GPER1: variants seen among roughly 807,000 people sequenced by gnomAD.
GPER1 encodes G protein-coupled estrogen receptor 1, also known as G protein-coupled receptor 30.
Under a neutral mutation model 0.6 loss-of-function variants are expected in GPER1, and 2 were observed. The observed-to-expected ratio is 3.41, with a 90% CI of 1.39 to 10.72. The LOEUF (loss-of-function observed/expected upper bound fraction) is 10.72. Ranked by LOEUF, GPER1 falls within the 30% of genes most tolerant of loss-of-function variation. GPER1 has a pLI of 0.04. For missense variants in GPER1, 441 were observed against 535.2 expected, an observed-to-expected ratio of 0.82 and a Z score of 1.74; for synonymous variants, 263 against 247.6, an observed-to-expected ratio of 1.06 and a Z score of -0.58.
Position 1,091,965 on chromosome 7 carries a change from G to C in GPER1, c.237G>C (p.Leu79=), listed in dbSNP as rs778623409. The change falls in exon 2 of 2, where the codon CTG becomes CTC. Residue 79 remains leucine, a synonymous_variant. Coordinates refer to ENST00000397088, the MANE Select transcript of GPER1 (RefSeq NM_001098201.3). ...CCATCGGCTTTGTGGGCAACATCCT[G>C]ATCCTGGTGGTGAACATCAGCTTCC... ...LFPIGFVGNI[L]ILVVNISFRE... 193 of 1,613,958 alleles carry C rather than the reference G, an allele frequency of 1.2e-4. 2 individuals are homozygous for C. The South Asian group carries it at 2.0e-3, about 17-fold the overall frequency.
At position 1,091,537 on chromosome 7, in the gene GPER1, T is replaced by C; in HGVS notation, c.-192T>C. Reference sequence around the variant, plus strand: ...ACCATGCCGGTGTGAGGAGCATCTGTTCTTCCCACTCTCTGCAGTTAACAA... The same window carrying C: ...ACCATGCCGGTGTGAGGAGCATCTGCTCTTCCCACTCTCTGCAGTTAACAA... On this transcript the variant is annotated 5_prime_UTR_variant, in exon 2 of 2. Transcript: ENST00000397088. 1 of 580,734 alleles carries C rather than the reference T, an allele frequency of 1.7e-6. No individual in the cohort carries two copies. Among genetic ancestry groups the C allele is most frequent in the Non-Finnish European group, 3.1e-6 (1 of 325,790 alleles). 36.0% of individuals were successfully genotyped at this position (580,734 alleles called of 1,614,324 possible).
chr7:1,092,238 C>A lies in GPER1; in HGVS notation c.510C>A (p.Thr170=). 2 of 1,612,560 alleles carry A rather than the reference C, an allele frequency of 1.2e-6. No individual in the cohort carries two copies. The highest frequency in any genetic ancestry group is 4.5e-5 in the East Asian group (2 of 44,890). ...ARAMRCSLFR[T]KHHARLSCGL... is the part of the protein sequence containing the mutation. ...CCATGCGCTGCAGCCTGTTCCGCAC[C>A]AAGCACCACGCCCGGCTGAGCTGTG... The change falls in exon 2 of 2, where the codon ACC becomes ACA. Residue 170 remains threonine, a synonymous_variant. Coordinates refer to ENST00000397088, the MANE Select transcript of GPER1 (RefSeq NM_001098201.3).
Position 1,092,364 on chromosome 7 carries a change from G to C in GPER1, c.636G>C (p.Arg212=). The change falls in exon 2 of 2, where the codon CGG becomes CGC. Residue 212 remains arginine (R), a synonymous_variant. Transcript: ENST00000397088. ...CCTGCTTCTGTTTCGCGGATGTCCG[G>C]GAGGTGCAGTGGCTCGAGGTCACGC... ...DEACFCFADV[R]EVQWLEVTLG... is the part of the protein sequence containing the mutation. The C allele has an allele frequency of 6.2e-7, 1 of 1,611,178 alleles. No individual in the cohort carries two copies. The highest frequency in any genetic ancestry group is 8.5e-7 in the Non-Finnish European group (1 of 1,179,234).
rs1222328283 is a variant in GPER1, at chr7:1,092,238, C to T, written c.510C>T (p.Thr170=). ...ARAMRCSLFR[T]KHHARLSCGL... is the part of the protein sequence containing the mutation. ...CCATGCGCTGCAGCCTGTTCCGCAC[C>T]AAGCACCACGCCCGGCTGAGCTGTG... Residue 170 remains threonine (T), a synonymous_variant, in exon 2 of 2, where the codon ACC becomes ACT. Coordinates refer to ENST00000397088, the MANE Select transcript of GPER1 (RefSeq NM_001098201.3). 9 of 1,612,678 alleles carry T rather than the reference C, an allele frequency of 5.6e-6. No homozygotes were observed. Among genetic ancestry groups the T allele is most frequent in the Non-Finnish European group, 7.6e-6 (9 of 1,180,042 alleles).
In GPER1 at chr7:1,092,796, G is replaced by A. The variant is rs1340721790; in HGVS notation, c.1068G>A (p.Leu356=). 6.2e-7 allele frequency: 1 copy of A among 1,613,568 alleles called. No homozygotes were observed. The highest frequency in any genetic ancestry group is 1.1e-5 in the South Asian group (1 of 91,082). The change falls in exon 2 of 2, where the codon CTG becomes CTA. Residue 356 remains leucine (L), a synonymous_variant. Transcript: ENST00000397088. ...PALNRFCHAA[L]KAVIPDSTEQ... is the part of the protein sequence containing the mutation. ...TGAACCGCTTCTGTCACGCTGCCCTGAAGGCCGTCATTCCAGACAGCACCG... is the reference window on the plus strand; with the variant it reads ...TGAACCGCTTCTGTCACGCTGCCCTAAAGGCCGTCATTCCAGACAGCACCG...
In GPER1 at chr7:1,091,475, G is replaced by A. The variant is rs565108668; in HGVS notation, c.-254G>A. 15 of 466,678 alleles carry A rather than the reference G, an allele frequency of 3.2e-5. No homozygotes were observed. The highest frequency in any genetic ancestry group is 7.8e-5 in the Admixed American group (2 of 25,704). 28.9% of individuals were successfully genotyped at this position (466,678 alleles called of 1,614,324 possible). A position where few individuals can be genotyped will look rare whatever the true frequency, so the allele number is the denominator to read the frequency against. On this transcript the variant is annotated 5_prime_UTR_variant, in exon 2 of 2. Coordinates refer to ENST00000397088, the MANE Select transcript of GPER1 (RefSeq NM_001098201.3). ...GCCGACACCCGCAGGGACGCCCGCC[G>A]GACGAGCACGCGGAGGGCCCTCGCC...
rs1408712428 is a variant in GPER1, at chr7:1,091,930, T to A, written c.202T>A (p.Phe68Ile). The A allele has an allele frequency of 6.2e-7, 1 of 1,614,028 alleles. No individual in the cohort carries two copies. The highest frequency in any genetic ancestry group is 8.5e-7 in the Non-Finnish European group (1 of 1,179,954). ...GTTCCTCTCGTGCCTCTACACCATC[T>A]TCCTCTTCCCCATCGGCTTTGTGGG... is the stretch of plus-strand genomic sequence containing the variant. Reference protein sequence around the residue: ...GLFLSCLYTIFLFPIGFVGNI... With the variant: ...GLFLSCLYTIILFPIGFVGNI... The change falls in exon 2 of 2, where the codon TTC becomes ATC. Residue 68 changes from phenylalanine to isoleucine, a missense_variant. Physicochemically the swap from Phe to Ile is conservative, Grantham distance 21. Coordinates refer to ENST00000397088, the MANE Select transcript of GPER1 (RefSeq NM_001098201.3).
Position 1,092,768 on chromosome 7 carries a change from C to A in GPER1, c.1040C>A (p.Ala347Asp), listed in dbSNP as rs770844463. ...LYIEQKTNLPALNRFCHAALK... is the reference protein window; with the variant it reads ...LYIEQKTNLPDLNRFCHAALK... ...ATTGAGCAGAAAACAAATTTGCCGG[C>A]CCTGAACCGCTTCTGTCACGCTGCC... The change falls in exon 2 of 2, where the codon GCC (alanine) becomes GAC (aspartate). Residue 347 changes from alanine to aspartate, a missense_variant. Physicochemically the swap from Ala to Asp is moderately radical, Grantham distance 126 (BLOSUM62 -2). Transcript: ENST00000397088. 1 of 1,613,676 alleles carries A rather than the reference C, an allele frequency of 6.2e-7. No homozygotes were observed. Among genetic ancestry groups the A allele is most frequent in the South Asian group, 1.1e-5 (1 of 91,086 alleles).
In GPER1 at chr7:1,093,669, C is replaced by G. The variant is rs1133043; in HGVS notation, c.*813C>G. On this transcript the variant is annotated 3_prime_UTR_variant, in exon 2 of 2. Transcript: ENST00000397088. ...CCAGGACAATGAAATACTCCAGCAC[C>G]TGTGGCTGACGAATTTGTTTCTACA... 0.63 allele frequency: 294,378 copies of G among 469,890 alleles called. 93,478 individuals carry two copies. Among genetic ancestry groups the G allele is most frequent in the African/African-American group, 0.75 (37,681 of 50,152 alleles). 29.1% of individuals were successfully genotyped at this position (469,890 alleles called of 1,614,324 possible). A position where few individuals can be genotyped will look rare whatever the true frequency, so the allele number is the denominator to read the frequency against.
rs752284778 is a variant in GPER1, at chr7:1,092,085, G to A, written c.357G>A (p.Leu119=). 4.3e-6 allele frequency: 7 copies of A among 1,613,946 alleles called. No individual in the cohort carries two copies. The Admixed American group carries it at 1.0e-4, about 23-fold the overall frequency. Residue 119 remains leucine (L), a synonymous_variant, in exon 2 of 2, where the codon CTG becomes CTA. Transcript: ENST00000397088. ...VADSLIEVFN[L]HERYYDIAVL... is the part of the protein sequence containing the mutation. Reference sequence around the variant, plus strand: ...ACTCCCTCATTGAGGTGTTCAACCTGCACGAGCGGTACTACGACATCGCCG... The same window carrying A: ...ACTCCCTCATTGAGGTGTTCAACCTACACGAGCGGTACTACGACATCGCCG...
At chr7:1,088,100 A>G (rs1431802293), upstream of GPER1, 3 of 152,334 alleles carry the variant, frequency 2.0e-5, no homozygotes, top group Non-Finnish European at 4.4e-5. This position sits in a 1 kb window ranked among gnomAD's most constrained non-coding sequence, Gnocchi z 4.5. Context: ...GCCCTGTGCC[A>G]AGGGGCAGAC....
rs370415093 is a variant in GPER1, at chr7:1,092,634, C to A, written c.906C>A (p.His302Gln). Residue 302 changes from histidine (H) to glutamine (Q), a missense_variant, in exon 2 of 2, where the codon CAC becomes CAA. His to Gln is a conservative substitution (Grantham distance 24, BLOSUM62 0). Transcript: ENST00000397088. ...GCAAGCAGTCTTTCCGCCATGCCCACCCCCTCACGGGCCACATTGTCAACC... is the reference window on the plus strand; with the variant it reads ...GCAAGCAGTCTTTCCGCCATGCCCAACCCCTCACGGGCCACATTGTCAACC... ...APCKQSFRHA[H>Q]PLTGHIVNLA... 6.2e-6 allele frequency: 10 copies of A among 1,612,390 alleles called. No homozygotes were observed. Among genetic ancestry groups the A allele is most frequent in the Non-Finnish European group, 7.6e-6 (9 of 1,179,902 alleles).
At position 1,091,928 on chromosome 7, in the gene GPER1, T is replaced by C. The variant is rs1398013768; in HGVS notation, c.200T>C (p.Ile67Thr). Residue 67 changes from isoleucine (I) to threonine (T), a missense_variant, in exon 2 of 2, where the codon ATC becomes ACC. Coordinates refer to ENST00000397088, the MANE Select transcript of GPER1 (RefSeq NM_001098201.3). ...CTGTTCCTCTCGTGCCTCTACACCA[T>C]CTTCCTCTTCCCCATCGGCTTTGTG... ...IGLFLSCLYTIFLFPIGFVGN... is the reference protein window; with the variant it reads ...IGLFLSCLYTTFLFPIGFVGN... 1 of 1,613,916 alleles carries C rather than the reference T, an allele frequency of 6.2e-7. No homozygotes were observed. Among genetic ancestry groups the C allele is most frequent in the Non-Finnish European group, 8.5e-7 (1 of 1,179,984 alleles).
In GPER1 at chr7:1,093,490, C is replaced by G. The variant is rs775920733; in HGVS notation, c.*634C>G. ...GCGGCCTCACCAGGCCCACGAGGAG[C>G]AGCAGCGCTCGGCCCGGAGCAGCAG... On this transcript the variant is annotated 3_prime_UTR_variant, in exon 2 of 2. Coordinates refer to ENST00000397088, the MANE Select transcript of GPER1 (RefSeq NM_001098201.3). 8.7e-5 allele frequency: 41 copies of G among 470,178 alleles called. No individual in the cohort carries two copies. The highest frequency in any genetic ancestry group is 4.4e-6 in the Non-Finnish European group (1 of 226,902). 29.1% of individuals were successfully genotyped at this position (470,178 alleles called of 1,614,324 possible).
chr7:1,093,807 C>T lies in GPER1; in HGVS notation c.*951C>T, dbSNP rs1376843099. The T allele has an allele frequency of 2.0e-5, 8 of 394,552 alleles. No homozygotes were observed. Among genetic ancestry groups the T allele is most frequent in the South Asian group, 1.9e-5 (1 of 53,100 alleles). The allele number at this position is 394,552 out of a possible 1,614,324, so 24.4% of individuals were successfully genotyped here. On this transcript the variant is annotated 3_prime_UTR_variant, in exon 2 of 2. Coordinates refer to ENST00000397088, the MANE Select transcript of GPER1 (RefSeq NM_001098201.3). ...CCTTTGTCAATAAACCTGTCATGTG[C>T]GGATCCTTCCGGAGGCTCTGTCTTG...
Position 1,091,945 on chromosome 7 carries a change from G to A in GPER1, c.217G>A (p.Gly73Ser), listed in dbSNP as rs1788031606. The change falls in exon 2 of 2, where the codon GGC (glycine) becomes AGC (serine). Residue 73 changes from glycine to serine, a missense_variant. Coordinates refer to ENST00000397088, the MANE Select transcript of GPER1 (RefSeq NM_001098201.3). ...CTACACCATCTTCCTCTTCCCCATC[G>A]GCTTTGTGGGCAACATCCTGATCCT... ...CLYTIFLFPI[G>S]FVGNILILVV... 10 of 1,614,026 alleles carry A rather than the reference G, an allele frequency of 6.2e-6. No homozygotes were observed. The highest frequency in any genetic ancestry group is 2.2e-5 in the East Asian group (1 of 44,868).
At position 1,092,527 on chromosome 7, in the gene GPER1, GTCT is replaced by G. The variant is rs766307448; in HGVS notation, c.805_807del (p.Phe269del). On this transcript the variant is annotated inframe_deletion, in exon 2 of 2. Transcript: ENST00000397088. ...CCGCATGATCCTCGCGGTGGTGCTG[GTCT>G]TCTTCGTCTGCTGGCTGCCGGAGAA... 23 of 1,608,254 alleles carry G rather than the reference GTCT, an allele frequency of 1.4e-5. No homozygotes were observed. The highest frequency in any genetic ancestry group is 2.2e-5 in the East Asian group (1 of 44,886).
Position 1,091,942 on chromosome 7 carries a change from A to G in GPER1, c.214A>G (p.Ile72Val), listed in dbSNP as rs765922330. Residue 72 changes from isoleucine to valine, a missense_variant, in exon 2 of 2, where the codon ATC (isoleucine) becomes GTC (valine). By Grantham distance (29) the Ile-to-Val change is conservative. Coordinates refer to ENST00000397088, the MANE Select transcript of GPER1 (RefSeq NM_001098201.3). ...SCLYTIFLFP[I>V]GFVGNILILV... ...CCTCTACACCATCTTCCTCTTCCCC[A>G]TCGGCTTTGTGGGCAACATCCTGAT... 3 of 1,613,812 alleles carry G rather than the reference A, an allele frequency of 1.9e-6. No individual in the cohort carries two copies. The highest frequency in any genetic ancestry group is 2.2e-5 in the South Asian group (2 of 91,066).
chr7:1,092,302 C>A lies in GPER1; in HGVS notation c.574C>A (p.Pro192Thr). 6.2e-7 allele frequency: 1 copy of A among 1,611,594 alleles called. No homozygotes were observed. Among genetic ancestry groups the A allele is most frequent in the Non-Finnish European group, 8.5e-7 (1 of 1,179,624 alleles). Reference protein sequence around the residue: ...WMASVSATLVPFTAVHLQHTD... With the variant: ...WMASVSATLVTFTAVHLQHTD... ...GGCATCCGTGTCAGCCACGCTGGTG[C>A]CCTTCACCGCCGTGCACCTGCAGCA... Residue 192 changes from proline (P) to threonine (T), a missense_variant, in exon 2 of 2, where the codon CCC becomes ACC. Transcript: ENST00000397088.
Sources: allele counts gnomAD v4.1 joint callset, GRCh38; gene constraint gnomAD v4.1.1; non-coding constraint Gnocchi (gnomAD v3.1); transcripts MANE v1.5; gene names NCBI Gene and HGNC (gene_info 2026-07-23, HGNC 2026-07-21).